The following NOX4 variants were observed in gnomAD, a reference collection of about 807,000 sequenced individuals.
NOX4 encodes the protein kidney oxidase-1.
Under a neutral mutation model 87.6 loss-of-function variants are expected in NOX4, and 69 were observed. The ratio of observed to expected loss-of-function variants is 0.79; its 90% CI spans 0.65 to 0.96. The LOEUF is 0.96. Ranked by LOEUF, NOX4 falls within the 40% of genes least tolerant of loss-of-function variation. NOX4 has a pLI of 0.00. For missense variants in NOX4, 680 were observed against 681.5 expected (o/e 1.00, Z 0.02); for synonymous variants, 275 against 238.2 (o/e 1.15, Z -1.42).
intron 6 of NOX4, among the ~76,000 whole-genome samples, chr11:89,438,353 C>T (rs562837787): frequency 8.1e-4 from 85 of 104,950 alleles, no homozygotes; most frequent in African/African-American, 3.0e-3. Flanking sequence ...ACTATATATA[C>T]TATATATTAT....
At chr11:89,369,613 T>G (rs1422775423) in intron 12 of NOX4, among the ~76,000 whole-genome samples, 1 of 152,118 alleles carries the variant, frequency 6.6e-6, no homozygotes, top group Admixed American at 6.6e-5. Flanking sequence ...AAAAGAGTAC[T>G]TCCAGGCACT....
intron 2 of NOX4, among the ~76,000 whole-genome samples, chr11:89,453,593 T>C (rs896443886): frequency 6.6e-6 from 1 of 152,238 alleles, no homozygotes; most frequent in African/African-American, 2.4e-5. Flanking sequence ...AAAGCACACC[T>C]ATCTCTTACT....
chr11:89,554,950 G>C, the NOX4 span, among the ~76,000 whole-genome samples: 1 of 152,002 alleles, frequency 6.6e-6, no homozygotes, highest in African/African-American at 2.4e-5. Flanking sequence ...AAAATAATTT[G>C]ATGAGAAATA....
chr11:89,510,317 C>G, the NOX4 span, among the ~76,000 whole-genome samples: 10 of 151,990 alleles, frequency 6.6e-5, no homozygotes, highest in Non-Finnish European at 2.9e-5. Context: ...TTAAAAGATG[C>G]CCCAAGACAT....
intron 2 of NOX4, among the ~76,000 whole-genome samples, chr11:89,476,459 A>T (rs1481448967): frequency 6.6e-6 from 1 of 152,110 alleles, no homozygotes; most frequent in East Asian, 1.9e-4. Context: ...ATTAAAATCA[A>T]ATATATTAAT....
chr11:89,571,452 A>G, the NOX4 span, among the ~76,000 whole-genome samples: 1 of 152,054 alleles, frequency 6.6e-6, no homozygotes, highest in South Asian at 2.1e-4. Context: ...GCACACCACC[A>G]TGCCTGGCTG....
chr11:89,386,929 A>T (rs1336657715), intron 11 of NOX4, among the ~76,000 whole-genome samples: 1 of 152,060 alleles, frequency 6.6e-6, no homozygotes, highest in South Asian at 2.1e-4. Context: ...CTCAATTAAT[A>T]CAAAACCATA....
chr11:89,530,775 A>C, the NOX4 span, among the ~76,000 whole-genome samples: 1 of 152,068 alleles, frequency 6.6e-6, no homozygotes, highest in African/African-American at 2.4e-5. Flanking sequence ...ATACAAGCTG[A>C]GCTAATTGGA....
At chr11:89,545,198 T>A in the NOX4 span, 1 of 152,206 alleles carries the variant, frequency 6.6e-6, no homozygotes, top group Non-Finnish European at 1.5e-5. Flanking sequence ...AAAGGTCATC[T>A]TATCAGATGC....
At position 89,488,659 on chromosome 11, in the gene NOX4, T is replaced by C. The variant is rs774836762; in HGVS notation, c.153+1799A>G. On this transcript the variant is annotated intron_variant, in intron 2 of 17. Transcript: ENST00000263317. ...TAAATTTCCAGTTCTTAGATTTTTA[T>C]ATTAATACAAATACCTCGTGATCCA... Among the ~76,000 whole-genome samples the C allele has an allele frequency of 4.9e-4, 75 of 152,218 alleles. 1 individual carries two copies. The highest frequency in any genetic ancestry group is 7.3e-5 in the Non-Finnish European group (5 of 68,030).
rs192185461 is a variant in NOX4, at chr11:89,475,233, G to A, written c.153+15225C>T. Reference sequence around the variant, plus strand: ...GCACCAAAATGTTAATGGTGGTTATGTGTGAGTGATGATATATATAACATT... The same window carrying A: ...GCACCAAAATGTTAATGGTGGTTATATGTGAGTGATGATATATATAACATT... On this transcript the variant is annotated intron_variant, in intron 2 of 17. Transcript: ENST00000263317. Among the ~76,000 whole-genome samples the A allele has an allele frequency of 3.3e-5, 5 of 152,038 alleles. No homozygotes were observed. In the East Asian group the frequency reaches 9.7e-4, roughly 29 times the overall value.
chr11:89,381,347 G>A (rs1261410198), intron 11 of NOX4, among the ~76,000 whole-genome samples: 5 of 152,072 alleles, frequency 3.3e-5, no homozygotes, highest in African/African-American at 9.7e-5. Flanking sequence ...CATCCAGATG[G>A]CCTGAAGTAA....
At chr11:89,401,031 A>G (rs1941820780) in intron 9 of NOX4, among the ~76,000 whole-genome samples, 1 of 152,106 alleles carries the variant, frequency 6.6e-6, no homozygotes, top group African/African-American at 2.4e-5. Flanking sequence ...GACACATGCA[A>G]ACTTTGGGAA....
chr11:89,493,670 A>T (rs968611046), upstream of NOX4, among the ~76,000 whole-genome samples: 1 of 151,280 alleles, frequency 6.6e-6, no homozygotes, highest in East Asian at 1.9e-4. Flanking sequence ...TTACGCAGGA[A>T]CTCTCATTAA....
chr11:89,441,297 G>T (rs990582572), intron 5 of NOX4, among the ~76,000 whole-genome samples: 1 of 152,100 alleles, frequency 6.6e-6, no homozygotes, highest in African/African-American at 2.4e-5. Context: ...AATATTGTAT[G>T]ATTTCCTTTA....
At chr11:89,497,228 T>C (rs944909896) in intron 1 of NOX4, among the ~76,000 whole-genome samples, 4 of 152,204 alleles carry the variant, frequency 2.6e-5, no homozygotes, top group Admixed American at 2.0e-4. Flanking sequence ...TTATCTTGCA[T>C]GGCATTTCCT....
intron 7 of NOX4, among the ~76,000 whole-genome samples, chr11:89,426,880 C>T (rs1943449300): frequency 6.6e-6 from 1 of 152,176 alleles, no homozygotes; most frequent in Non-Finnish European, 1.5e-5. Context: ...AGTAGTGGTT[C>T]TCCCAGCATG....
At chr11:89,557,619 G>T in the NOX4 span, among the ~76,000 whole-genome samples, 2,253 of 152,164 alleles carry the variant, frequency 0.015, 48 homozygotes, top group African/African-American at 0.047. Flanking sequence ...GGTTTTACTT[G>T]TTTGTTTTTT....
At chr11:89,437,969 G>A (rs1472723635) in intron 6 of NOX4, among the ~76,000 whole-genome samples, 3 of 151,858 alleles carry the variant, frequency 2.0e-5, no homozygotes, top group Non-Finnish European at 4.4e-5. Flanking sequence ...AGAGTATGAT[G>A]AGATGTTCAG....
Sources: allele counts gnomAD v4.1 joint callset (sites outside exome capture counted in the v4.1 genomes callset), GRCh38; gene constraint gnomAD v4.1.1; transcripts MANE v1.5; gene names NCBI Gene and HGNC (gene_info 2026-07-23, HGNC 2026-07-21).